Variants in KRTAP19-6 observed in about 807,000 individuals in gnomAD.
KRTAP19-6 encodes the protein keratin associated protein 19-6.
For synonymous variants in KRTAP19-6, 20 were observed against 27.5 expected (o/e 0.73, Z 0.85); for missense variants, 70 against 70.3 (o/e 1.00, Z 0.02).
At position 30,541,626 on chromosome 21, in the gene KRTAP19-6, T is replaced by G. The variant is rs1978770342; in HGVS notation, c.*31A>C. 1 of 1,605,166 alleles carries G rather than the reference T, an allele frequency of 6.2e-7. No homozygotes were observed. The highest frequency in any genetic ancestry group is 2.2e-5 in the East Asian group (1 of 44,738). The stretch of plus-strand genomic sequence containing the variant: ...TTGCTGAAGCATACGGGCAAGATCT[T>G]GGAGTTAGAGTATGAGAATCAGCAA... On this transcript the variant is annotated 3_prime_UTR_variant, in exon 1 of 1. Transcript: ENST00000334046.
At position 30,541,717 on chromosome 21, in the gene KRTAP19-6, A is replaced by G. The variant is rs777395521; in HGVS notation, c.117T>C (p.Tyr39=). 362 of 1,613,424 alleles carry G rather than the reference A, an allele frequency of 2.2e-4. No homozygotes were observed. Among genetic ancestry groups the G allele is most frequent in the Non-Finnish European group, 3.0e-4 (354 of 1,179,448 alleles). Residue 39 remains tyrosine (Y), a synonymous_variant, in exon 1 of 1, where the codon TAT becomes TAC. Transcript: ENST00000334046. Reference sequence around the variant, plus strand: ...ATGATGGGCGGCAGCAGCCATATCTATAGCCTCCATAGCCAGAGCCATATC... The same window carrying G: ...ATGATGGGCGGCAGCAGCCATATCTGTAGCCTCCATAGCCAGAGCCATATC... ...GYRYGSGYGG[Y]RYGCCRPSCR... is the part of the protein sequence containing the mutation.
At position 30,541,701 on chromosome 21, in the gene KRTAP19-6, G is replaced by A. The variant is rs191391687; in HGVS notation, c.133C>T (p.Arg45Cys). Residue 45 changes from arginine to cysteine, a missense_variant, in exon 1 of 1, where the codon CGC becomes TGC. Physicochemically the swap from Arg to Cys is radical, Grantham distance 180. Transcript: ENST00000334046. ...GYGGYRYGCC[R>C]PSCREGYGFS... Reference sequence around the variant, plus strand: ...CCATATCCTTCACGGCATGATGGGCGGCAGCAGCCATATCTATAGCCTCCA... The same window carrying A: ...CCATATCCTTCACGGCATGATGGGCAGCAGCAGCCATATCTATAGCCTCCA... The A allele has an allele frequency of 6.4e-5, 103 of 1,613,690 alleles. No homozygotes were observed. The Middle Eastern group carries it at 1.6e-3, about 26-fold the overall frequency.
Position 30,541,811 on chromosome 21 carries a change from T to C in KRTAP19-6, c.23A>G (p.Tyr8Cys). ...TCCACAGCCATATCCCAGGCCTCTG[T>C]AGTAGCTGCCATAGTATCTCATGGT... MRYYGSY[Y>C]RGLGYGCGGF... The change falls in exon 1 of 1, where the codon TAC (tyrosine) becomes TGC (cysteine). Residue 8 changes from tyrosine to cysteine, a missense_variant. By Grantham distance (194) the Tyr-to-Cys change is radical. Transcript: ENST00000334046. 1 of 1,613,968 alleles carries C rather than the reference T, an allele frequency of 6.2e-7. No individual in the cohort carries two copies. Among genetic ancestry groups the C allele is most frequent in the Non-Finnish European group, 8.5e-7 (1 of 1,179,928 alleles).
Position 30,541,833 on chromosome 21 carries a change from TG to T in KRTAP19-6, c.-1del. On this transcript the variant is annotated 5_prime_UTR_variant, in exon 1 of 1. Coordinates refer to ENST00000334046, the MANE Select transcript of KRTAP19-6 (RefSeq NM_181612.3). ...CTGTAGTAGCTGCCATAGTATCTCA[TG>T]GTGTCAGGGACTAGAGATTCAGTTC... 6.2e-7 allele frequency: 1 copy of T among 1,612,992 alleles called. No individual in the cohort carries two copies. The highest frequency in any genetic ancestry group is 8.5e-7 in the Non-Finnish European group (1 of 1,179,286).
chr21:30,541,718 T>C lies in KRTAP19-6; in HGVS notation c.116A>G (p.Tyr39Cys). 1 of 1,613,466 alleles carries C rather than the reference T, an allele frequency of 6.2e-7. No individual in the cohort carries two copies. Among genetic ancestry groups the C allele is most frequent in the Non-Finnish European group, 8.5e-7 (1 of 1,179,422 alleles). ...TGATGGGCGGCAGCAGCCATATCTA[T>C]AGCCTCCATAGCCAGAGCCATATCT... Reference protein sequence around the residue: ...GYRYGSGYGGYRYGCCRPSCR... With the variant: ...GYRYGSGYGGCRYGCCRPSCR... The change falls in exon 1 of 1, where the codon TAT (tyrosine) becomes TGT (cysteine). Residue 39 changes from tyrosine (Y) to cysteine (C), a missense_variant. Transcript: ENST00000334046.
In KRTAP19-6 at chr21:30,541,837, G is replaced by A. The variant is rs561407229; in HGVS notation, c.-4C>T. ...AGTAGCTGCCATAGTATCTCATGGTGTCAGGGACTAGAGATTCAGTTCAAT... is the reference window on the plus strand; with the variant it reads ...AGTAGCTGCCATAGTATCTCATGGTATCAGGGACTAGAGATTCAGTTCAAT... On this transcript the variant is annotated 5_prime_UTR_variant, in exon 1 of 1. Transcript: ENST00000334046. 1.9e-6 allele frequency: 3 copies of A among 1,611,626 alleles called. No individual in the cohort carries two copies. In the South Asian group the frequency reaches 3.3e-5, roughly 18 times the overall value.
Position 30,541,564 on chromosome 21 carries a change from G to T in KRTAP19-6, c.*93C>A. 2 of 1,312,566 alleles carry T rather than the reference G, an allele frequency of 1.5e-6. No individual in the cohort carries two copies. Among genetic ancestry groups the T allele is most frequent in the South Asian group, 2.5e-5 (2 of 81,380 alleles). 81.3% of individuals were successfully genotyped at this position (1,312,566 alleles called of 1,614,324 possible). On this transcript the variant is annotated 3_prime_UTR_variant, in exon 1 of 1. Coordinates refer to ENST00000334046, the MANE Select transcript of KRTAP19-6 (RefSeq NM_181612.3). ...CTTCTGGAGCATGAAGCCAAAAAAT[G>T]GTAGGTATTTTCTCTACATTGAGAA...
the KRTAP19-6 span, chr21:30,541,808 CTG>C: frequency 6.2e-7 from 1 of 1,614,028 alleles, no homozygotes; most frequent in Non-Finnish European, 8.5e-7. Context: ...TCCCAGGCCT[CTG>C]TAGTAGCTGC....
rs1568880361 is a variant in KRTAP19-6, at chr21:30,541,799, C to G, written c.35G>C (p.Gly12Ala). ...ACCACCAAAGCCTCCACAGCCATAT[C>G]CCAGGCCTCTGTAGTAGCTGCCATA... ...RYYGSYYRGL[G>A]YGCGGFGGLG... The change falls in exon 1 of 1, where the codon GGA becomes GCA. Residue 12 changes from glycine to alanine, a missense_variant. Gly to Ala is a moderately conservative substitution (Grantham distance 60, BLOSUM62 0). Transcript: ENST00000334046. 2 of 1,614,088 alleles carry G rather than the reference C, an allele frequency of 1.2e-6. No individual in the cohort carries two copies. The highest frequency in any genetic ancestry group is 1.7e-6 in the Non-Finnish European group (2 of 1,180,000).
Position 30,541,808 on chromosome 21 carries a change from C to T in KRTAP19-6, c.26G>A (p.Arg9Lys), listed in dbSNP as rs868541759. The stretch of plus-strand genomic sequence containing the variant: ...GCCTCCACAGCCATATCCCAGGCCT[C>T]TGTAGTAGCTGCCATAGTATCTCAT... MRYYGSYYRGLGYGCGGFG... is the reference protein window; with the variant it reads MRYYGSYYKGLGYGCGGFG... The change falls in exon 1 of 1, where the codon AGA becomes AAA. Residue 9 changes from arginine (R) to lysine (K), a missense_variant. Physicochemically the swap from Arg to Lys is conservative, Grantham distance 26 (BLOSUM62 2). Coordinates refer to ENST00000334046, the MANE Select transcript of KRTAP19-6 (RefSeq NM_181612.3). 2.5e-6 allele frequency: 4 copies of T among 1,614,028 alleles called. No individual in the cohort carries two copies. In the African/African-American group the frequency reaches 4.0e-5, roughly 16 times the overall value.
rs771399252 is a variant in KRTAP19-6, at chr21:30,541,678, A to G, written c.156T>C (p.Tyr52=). ...GCCRPSCREG[Y]GFSGFY ...TTTTTTAGTAGAATCCAGAGAATCC[A>G]TATCCTTCACGGCATGATGGGCGGC... The change falls in exon 1 of 1, where the codon TAT becomes TAC. Residue 52 remains tyrosine, a synonymous_variant. Transcript: ENST00000334046. 5.0e-6 allele frequency: 8 copies of G among 1,613,574 alleles called. No individual in the cohort carries two copies. Among genetic ancestry groups the G allele is most frequent in the Non-Finnish European group, 6.8e-6 (8 of 1,179,628 alleles).
At position 30,541,756 on chromosome 21, in the gene KRTAP19-6, G is replaced by A; in HGVS notation, c.78C>T (p.Gly26=). The A allele has an allele frequency of 1.2e-6, 2 of 1,614,000 alleles. No homozygotes were observed. Among genetic ancestry groups the A allele is most frequent in the African/African-American group, 2.7e-5 (2 of 75,002 alleles). Residue 26 remains glycine, a synonymous_variant, in exon 1 of 1, where the codon GGC becomes GGT. Transcript: ENST00000334046. ...GGFGGLGYGC[G]CGGYRYGSGY... is the part of the protein sequence containing the mutation. The stretch of plus-strand genomic sequence containing the variant: ...CAGAGCCATATCTGTAGCCTCCACA[G>A]CCACAGCCATAGCCCAGACCACCAA...
rs1377242905 is a variant in KRTAP19-6, at chr21:30,541,768, G to A, written c.66C>T (p.Gly22=). 3 of 1,614,040 alleles carry A rather than the reference G, an allele frequency of 1.9e-6. No individual in the cohort carries two copies. Among genetic ancestry groups the A allele is most frequent in the Non-Finnish European group, 8.5e-7 (1 of 1,179,966 alleles). The change falls in exon 1 of 1, where the codon GGC becomes GGT. Residue 22 remains glycine, a synonymous_variant. Coordinates refer to ENST00000334046, the MANE Select transcript of KRTAP19-6 (RefSeq NM_181612.3). ...TGTAGCCTCCACAGCCACAGCCATA[G>A]CCCAGACCACCAAAGCCTCCACAGC... ...GYGCGGFGGL[G]YGCGCGGYRY... is the part of the protein sequence containing the mutation.
chr21:30,541,650 A>G lies in KRTAP19-6; in HGVS notation c.*7T>C. 6.6e-7 allele frequency: 1 copy of G among 1,526,092 alleles called. No individual in the cohort carries two copies. Among genetic ancestry groups the G allele is most frequent in the South Asian group, 1.1e-5 (1 of 88,074 alleles). 94.5% of individuals were successfully genotyped at this position (1,526,092 alleles called of 1,614,324 possible). A position where few individuals can be genotyped will look rare whatever the true frequency, so the allele number is the denominator to read the frequency against. The stretch of plus-strand genomic sequence containing the variant: ...TTGGAGTTAGAGTATGAGAATCAGC[A>G]AGTTTTTTAGTAGAATCCAGAGAAT... On this transcript the variant is annotated 3_prime_UTR_variant, in exon 1 of 1. Transcript: ENST00000334046.
the KRTAP19-6 span, chr21:30,541,810 G>C: frequency 1.2e-6 from 2 of 1,613,988 alleles, no homozygotes; most frequent in South Asian, 1.1e-5. Context: ...CCAGGCCTCT[G>C]TAGTAGCTGC....
In KRTAP19-6 at chr21:30,541,710, C is replaced by T. The variant is rs868455137; in HGVS notation, c.124G>A (p.Gly42Ser). The change falls in exon 1 of 1, where the codon GGC becomes AGC. Residue 42 changes from glycine to serine, a missense_variant. Coordinates refer to ENST00000334046, the MANE Select transcript of KRTAP19-6 (RefSeq NM_181612.3). ...YGSGYGGYRY[G>S]CCRPSCREGY... is the part of the protein sequence containing the mutation. ...TCACGGCATGATGGGCGGCAGCAGC[C>T]ATATCTATAGCCTCCATAGCCAGAG... 1.2e-6 allele frequency: 2 copies of T among 1,613,830 alleles called. No individual in the cohort carries two copies. Among genetic ancestry groups the T allele is most frequent in the Non-Finnish European group, 1.7e-6 (2 of 1,179,704 alleles).
At position 30,541,622 on chromosome 21, in the gene KRTAP19-6, A is replaced by G; in HGVS notation, c.*35T>C. On this transcript the variant is annotated 3_prime_UTR_variant, in exon 1 of 1. Coordinates refer to ENST00000334046, the MANE Select transcript of KRTAP19-6 (RefSeq NM_181612.3). ...CGCCTTGCTGAAGCATACGGGCAAG[A>G]TCTTGGAGTTAGAGTATGAGAATCA... 1 of 1,605,538 alleles carries G rather than the reference A, an allele frequency of 6.2e-7. No individual in the cohort carries two copies. The highest frequency in any genetic ancestry group is 8.5e-7 in the Non-Finnish European group (1 of 1,173,348).
chr21:30,541,592 G>T lies in KRTAP19-6; in HGVS notation c.*65C>A. 6.5e-7 allele frequency: 1 copy of T among 1,546,280 alleles called. No homozygotes were observed. The highest frequency in any genetic ancestry group is 8.9e-7 in the Non-Finnish European group (1 of 1,120,272). On this transcript the variant is annotated 3_prime_UTR_variant, in exon 1 of 1. Coordinates refer to ENST00000334046, the MANE Select transcript of KRTAP19-6 (RefSeq NM_181612.3). ...AGGTATTTTCTCTACATTGAGAAAA[G>T]TGTTCGCCTTGCTGAAGCATACGGG...
In KRTAP19-6 at chr21:30,541,739, T is replaced by C. The variant is rs746325299; in HGVS notation, c.95A>G (p.Tyr32Cys). ...GYGCGCGGYR[Y>C]GSGYGGYRYG... ...TCTATAGCCTCCATAGCCAGAGCCA[T>C]ATCTGTAGCCTCCACAGCCACAGCC... The change falls in exon 1 of 1, where the codon TAT (tyrosine) becomes TGT (cysteine). Residue 32 changes from tyrosine to cysteine, a missense_variant. By Grantham distance (194) the Tyr-to-Cys change is radical. Transcript: ENST00000334046. The C allele has an allele frequency of 1.8e-5, 29 of 1,613,868 alleles. No individual in the cohort carries two copies. The Middle Eastern group carries it at 8.2e-4, about 46-fold the overall frequency.
Sources: allele counts gnomAD v4.1 joint callset, GRCh38; gene constraint gnomAD v4.1.1; transcripts MANE v1.5; gene names NCBI Gene and HGNC (gene_info 2026-07-23, HGNC 2026-07-21).